The following EXT2 variants were observed in gnomAD, a reference collection of about 807,000 sequenced individuals.
EXT2 encodes exostosin glycosyltransferase 2.
In EXT2, 53 loss-of-function variants were observed where a neutral mutation model predicts 81.6. The ratio of observed to expected loss-of-function variants is 0.65; its 90% CI spans 0.52 to 0.82. The LOEUF (loss-of-function observed/expected upper bound fraction) is 0.82, where lower values mean the gene tolerates loss of function less well. EXT2 is among the 40% of genes least tolerant of loss of function. EXT2 has a pLI of 0.00. For synonymous variants in EXT2, 320 were observed against 340.0 expected (o/e 0.94, Z 0.65); for missense variants, 774 against 910.2 (o/e 0.85, Z 1.93).
chr11:44,144,402 G>T (rs1320289784), intron 7 of EXT2: 5 of 1,404,598 alleles, frequency 3.6e-6, no homozygotes, highest in Non-Finnish European at 5.0e-6. Flanking sequence ...TGCTGAGAAG[G>T]CTTGACCAAA....
rs192126474 is a variant in EXT2 at position 44,169,174 on chromosome 11, C to T, written c.1174-2437C>T. Among the ~76,000 whole-genome samples the T allele has an allele frequency of 5.2e-3, 783 of 151,864 alleles. 7 individuals carry two copies. The highest frequency in any genetic ancestry group is 0.018 in the African/African-American group (727 of 41,412). On this transcript the variant is annotated intron_variant, in intron 7 of 13. Coordinates refer to ENST00000533608, the MANE Select transcript of EXT2 (RefSeq NM_207122.2). ...GGTGGAGGTTGCAGTGAGCTGAGATCGCGCCACTGCACTCCAGCCTGGGTG... is the reference window on the plus strand; with the variant it reads ...GGTGGAGGTTGCAGTGAGCTGAGATTGCGCCACTGCACTCCAGCCTGGGTG...
At chr11:44,240,458 A>G (rs892633326) in intron 13 of EXT2, among the ~76,000 whole-genome samples, 1 of 152,196 alleles carries the variant, frequency 6.6e-6, no homozygotes, top group Non-Finnish European at 1.5e-5. Context: ...TGGGAAGCTG[A>G]GGCAAGGGGA....
At chr11:44,119,161 TATATATATACAC>T (rs1954275531) in intron 4 of EXT2, among the ~76,000 whole-genome samples, 1 of 46,924 alleles carries the variant, frequency 2.1e-5, no homozygotes, top group African/African-American at 6.3e-5. Flanking sequence ...TATATATATA[TATATATATACAC>T]ATACACACAC....
chr11:44,129,351 CTT>C (rs1954455985), intron 6 of EXT2, among the ~76,000 whole-genome samples: 2 of 152,378 alleles, frequency 1.3e-5, no homozygotes, highest in South Asian at 4.1e-4. Context: ...GTCCTATACT[CTT>C]TGCTGTGACT....
chr11:44,114,176 T>C lies in EXT2; in HGVS notation c.627-9T>C, dbSNP rs2134984034. The C allele has an allele frequency of 1.9e-6, 3 of 1,612,720 alleles. No individual in the cohort carries two copies. Among genetic ancestry groups the C allele is most frequent in the Non-Finnish European group, 2.5e-6 (3 of 1,178,680 alleles). The stretch of plus-strand genomic sequence containing the variant: ...TTTCTCATCGTTTAACAAAATACTT[T>C]GCTTTCAGGGCCCTGTTGGCTGGTG... On this transcript the variant is annotated splice_polypyrimidine_tract_variant and intron_variant, in intron 3 of 13. Transcript: ENST00000533608.
chr11:44,230,594 G>A (rs1955887085), intron 10 of EXT2, among the ~76,000 whole-genome samples: 1 of 152,178 alleles, frequency 6.6e-6, no homozygotes, highest in Non-Finnish European at 1.5e-5. Context: ...CTTGCACAGG[G>A]GGGAAGATGG....
chr11:44,159,396 C>T (rs953470945), intron 7 of EXT2, among the ~76,000 whole-genome samples: 2 of 151,930 alleles, frequency 1.3e-5, no homozygotes, highest in Non-Finnish European at 2.9e-5. Context: ...AAAATATCCT[C>T]AAGTTCAGAG....
Position 44,192,937 on chromosome 11 carries a change from A to G in EXT2, c.1306-4892A>G, listed in dbSNP as rs150028400. Among the ~76,000 whole-genome samples the G allele has an allele frequency of 1.1e-3, 165 of 152,312 alleles. 1 individual carries two copies. Among genetic ancestry groups the G allele is most frequent in the Non-Finnish European group, 1.9e-3 (129 of 68,026 alleles). On this transcript the variant is annotated intron_variant, in intron 8 of 13. Transcript: ENST00000533608. ...AAATGTACATCAGCTATTCATATCT[A>G]TACATAAGGGGGACTGATAAAACAG...
intron 4 of EXT2, among the ~76,000 whole-genome samples, chr11:44,119,921 C>T (rs1008480539): frequency 2.0e-5 from 3 of 152,208 alleles, no homozygotes; most frequent in Middle Eastern, 3.2e-3. Flanking sequence ...GTCTTCAGTG[C>T]ACTTTTCTTG....
chr11:44,166,853 C>T (rs180848076), intron 7 of EXT2, among the ~76,000 whole-genome samples: 4 of 152,282 alleles, frequency 2.6e-5, no homozygotes, highest in South Asian at 2.1e-4. Flanking sequence ...AACTTCTGCT[C>T]GGATAAGAAA....
chr11:44,237,460 A>G (rs1036192786), intron 13 of EXT2, among the ~76,000 whole-genome samples: 2 of 152,192 alleles, frequency 1.3e-5, no homozygotes, highest in Non-Finnish European at 2.9e-5. Flanking sequence ...CACTGGTATC[A>G]TAAGTATTTC....
chr11:44,167,081 G>A (rs994905527), intron 7 of EXT2, among the ~76,000 whole-genome samples: 2 of 152,188 alleles, frequency 1.3e-5, no homozygotes, highest in African/African-American at 4.8e-5. Context: ...TTCTCTGACG[G>A]TACTTGCCAA....
chr11:44,213,455 CA>C (rs887923580), intron 10 of EXT2, among the ~76,000 whole-genome samples: 1 of 151,804 alleles, frequency 6.6e-6, no homozygotes, highest in African/African-American at 2.4e-5. Flanking sequence ...AAGGTTATCA[CA>C]AAAAAAGCCT....
At chr11:44,201,777 CT>C (rs1161324335) in intron 9 of EXT2, among the ~76,000 whole-genome samples, 1 of 152,164 alleles carries the variant, frequency 6.6e-6, no homozygotes, top group African/African-American at 2.4e-5. Context: ...CTCATTCTCC[CT>C]TCTCCTTCTA....
intron 7 of EXT2, among the ~76,000 whole-genome samples, chr11:44,143,386 C>T (rs544308377): frequency 2.7e-4 from 41 of 152,336 alleles, no homozygotes; most frequent in Middle Eastern, 3.4e-3. Flanking sequence ...TCACATATCA[C>T]TCCTACTCCT....
chr11:44,202,066 A>G (rs1047256887), intron 9 of EXT2, among the ~76,000 whole-genome samples: 2 of 152,226 alleles, frequency 1.3e-5, no homozygotes, highest in African/African-American at 4.8e-5. Context: ...GCCTTTTGCC[A>G]AAGCCGACTT....
chr11:44,144,406 G>A, intron 7 of EXT2: 1 of 1,360,164 alleles, frequency 7.4e-7, no homozygotes, highest in Non-Finnish European at 1.0e-6. Context: ...GAGAAGGCTT[G>A]ACCAAACACA....
Position 44,181,548 on chromosome 11 carries a change from G to A in EXT2, c.1305+9806G>A, listed in dbSNP as rs539360015. Among the ~76,000 whole-genome samples the A allele has an allele frequency of 2.6e-5, 4 of 152,030 alleles. No individual in the cohort carries two copies. In the South Asian group the frequency reaches 8.3e-4, roughly 32 times the overall value. On this transcript the variant is annotated intron_variant, in intron 8 of 13. Coordinates refer to ENST00000533608, the MANE Select transcript of EXT2 (RefSeq NM_207122.2). ...GTTTTTCGTACCTTACCATCTTTCG[G>A]TCTTCTTCTAATTTTTTGGATATTT...
intron 4 of EXT2, among the ~76,000 whole-genome samples, chr11:44,119,155 T>TACATATATATAG (rs1382529421): frequency 2.2e-5 from 1 of 45,278 alleles, no homozygotes; most frequent in African/African-American, 6.6e-5. Flanking sequence ...TATATATATA[T>TACATATATATAG]ATATATATAT....
Sources: gnomAD v4.1 joint callset for allele counts (sites outside exome capture counted in the v4.1 genomes callset) on GRCh38, gnomAD v4.1.1 for gene constraint, MANE v1.5 for transcripts, NCBI Gene and HGNC (gene_info 2026-07-23, HGNC 2026-07-21) for gene names.